Variants in AXL observed in about 807,000 individuals in gnomAD.
AXL encodes the protein tyrosine-protein kinase receptor UFO.
AXL carries 52 observed loss-of-function variants against 104.5 expected under a neutral mutation model. That is an observed-to-expected ratio of 0.50 (90% CI 0.40 to 0.63). The LOEUF is 0.63. Among genes scored for constraint, AXL ranks in the 20% least tolerant of loss-of-function variants. The pLI, the probability that AXL is intolerant of heterozygous loss-of-function variation, is 0.00. For missense variants in AXL, 1,024 were observed against 1,188.5 expected, an observed-to-expected ratio of 0.86 and a Z score of 2.04; for synonymous variants, 455 against 473.7, an observed-to-expected ratio of 0.96 and a Z score of 0.51.
chr19:41,251,405 T>C (rs1282028565), intron 14 of AXL, among the ~76,000 whole-genome samples: 2 of 151,656 alleles, frequency 1.3e-5, no homozygotes, highest in African/African-American at 4.8e-5. Context: ...CTACTAAAAA[T>C]ACAAAAATTA....
chr19:41,237,713 A>G (rs2034104990), intron 6 of AXL, among the ~76,000 whole-genome samples: 1 of 152,198 alleles, frequency 6.6e-6, no homozygotes, highest in South Asian at 2.1e-4. Context: ...GAGAGGGAAG[A>G]GTCTTGCCAG....
chr19:41,241,664 C>T (rs1330465228), intron 10 of AXL, among the ~76,000 whole-genome samples: 1 of 151,152 alleles, frequency 6.6e-6, no homozygotes, highest in Non-Finnish European at 1.5e-5. Context: ...ATGGTGAAAC[C>T]CTGTCTCTAC....
At chr19:41,250,467 G>T (rs1041285450) in intron 14 of AXL, among the ~76,000 whole-genome samples, 1 of 152,122 alleles carries the variant, frequency 6.6e-6, no homozygotes, top group Non-Finnish European at 1.5e-5. Flanking sequence ...TTTTGAGGAG[G>T]AGTCTCACTC....
intron 6 of AXL, among the ~76,000 whole-genome samples, chr19:41,235,877 C>T (rs759673830): frequency 4.6e-5 from 7 of 152,104 alleles, no homozygotes; most frequent in Admixed American, 1.3e-4. Flanking sequence ...ACATGTTGGA[C>T]GTGTTTTATC....
chr19:41,246,315 T>G lies in AXL; in HGVS notation c.1538-2199T>G, dbSNP rs561365989. On this transcript the variant is annotated intron_variant, in intron 12 of 19. Transcript: ENST00000301178. ...TACAAAAATTAGCTGGGTGTGGTGG[T>G]GCATGCCTGTAATCCTAGCTACTTG... Among the ~76,000 whole-genome samples, 16 of 151,700 alleles carry G rather than the reference T, an allele frequency of 1.1e-4. 1 individual carries two copies. In the East Asian group the frequency reaches 2.7e-3, roughly 26 times the overall value.
At position 41,259,826 on chromosome 19, in the gene AXL, C is replaced by A; in HGVS notation, c.2607C>A (p.Cys869Ter). Residue 869 changes from cysteine to a stop codon, truncating the protein, a stop_gained, in exon 20 of 20, where the codon TGC becomes TGA. Transcript: ENST00000301178. LOFTEE classifies it high-confidence loss of function. ...EVHPAGRYVL[C>*]PSTTPSPAQP... ...ATCCTGCTGGACGCTATGTCCTCTGCCCTTCCACAACCCCTAGCCCCGCTC... is the reference window on the plus strand; with the variant it reads ...ATCCTGCTGGACGCTATGTCCTCTGACCTTCCACAACCCCTAGCCCCGCTC... 2 of 1,613,912 alleles carry A rather than the reference C, an allele frequency of 1.2e-6. No individual in the cohort carries two copies. Among genetic ancestry groups the A allele is most frequent in the Non-Finnish European group, 1.7e-6 (2 of 1,179,920 alleles).
chr19:41,234,887 T>C (rs1309757324), intron 6 of AXL, among the ~76,000 whole-genome samples: 1 of 152,164 alleles, frequency 6.6e-6, no homozygotes, highest in African/African-American at 2.4e-5. Context: ...GGCGTGGCTG[T>C]GAATTGTGTG....
At chr19:41,233,975 G>C (rs1479831911) in intron 6 of AXL, among the ~76,000 whole-genome samples, 1 of 152,032 alleles carries the variant, frequency 6.6e-6, no homozygotes, top group Non-Finnish European at 1.5e-5. Context: ...AAAGAGAAGT[G>C]GGAGCAGGCA....
Position 41,259,584 on chromosome 19 carries a change from A to C in AXL, c.2365A>C (p.Asn789His). The change falls in exon 20 of 20, where the codon AAT becomes CAT. Residue 789 changes from asparagine (N) to histidine (H), a missense_variant. Asn to His is a moderately conservative substitution (Grantham distance 68). Coordinates refer to ENST00000301178, the MANE Select transcript of AXL (RefSeq NM_021913.5). Reference sequence around the variant, plus strand: ...CTTGATGTCGCGGTGCTGGGAGCTAAATCCCCAGGACCGGCCAAGTTTTAC... The same window carrying C: ...CTTGATGTCGCGGTGCTGGGAGCTACATCCCCAGGACCGGCCAAGTTTTAC... ...YALMSRCWEL[N>H]PQDRPSFTEL... The C allele has an allele frequency of 6.2e-7, 1 of 1,611,734 alleles. No homozygotes were observed.
At chr19:41,247,503 CA>C (rs530976426) in intron 12 of AXL, among the ~76,000 whole-genome samples, 4,356 of 139,356 alleles carry the variant, frequency 0.031, 103 homozygotes, top group Middle Eastern at 0.05. Flanking sequence ...AACTCCATCT[CA>C]AAAAAAAAAA....
chr19:41,226,616 GT>G (rs1177025145), intron 4 of AXL: 1 of 454,318 alleles, frequency 2.2e-6, no homozygotes, highest in Non-Finnish European at 2.9e-6. Flanking sequence ...TGCCAACGCG[GT>G]GGGAACAGAG....
chr19:41,244,101 G>A (rs1024700343), intron 12 of AXL, among the ~76,000 whole-genome samples: 9 of 152,058 alleles, frequency 5.9e-5, no homozygotes, highest in Admixed American at 5.9e-4. Flanking sequence ...CTACTCGGGA[G>A]GCTGAGGTAG....
chr19:41,243,793 G>A (rs2034225809), intron 12 of AXL, 86 bp downstream of exon 12: 26 of 1,201,228 alleles, frequency 2.2e-5, no homozygotes, highest in Non-Finnish European at 3.1e-5. Flanking sequence ...ACATGTGTGA[G>A]CCAAAAGTTT....
At position 41,220,695 on chromosome 19, in the gene AXL, G is replaced by A. The variant is rs1219778701; in HGVS notation, c.145G>A (p.Gly49Arg). The change falls in exon 2 of 20, where the codon GGA becomes AGA. Residue 49 changes from glycine to arginine, a missense_variant. Gly to Arg is a moderately radical substitution (Grantham distance 125). This residue lies in a region of AXL where 124 missense variants were observed against 115.5 expected (regional missense o/e 1.07). Transcript: ENST00000301178. ...CCCAGGGAATATCACAGGTGCCCGGGGACTCACGGGCACCCTTCGGTGTCA... is the reference window on the plus strand; with the variant it reads ...CCCAGGGAATATCACAGGTGCCCGGAGACTCACGGGCACCCTTCGGTGTCA... ...GNPGNITGAR[G>R]LTGTLRCQLQ... 2 of 1,612,436 alleles carry A rather than the reference G, an allele frequency of 1.2e-6. No individual in the cohort carries two copies. Among genetic ancestry groups the A allele is most frequent in the Non-Finnish European group, 8.5e-7 (1 of 1,179,340 alleles).
At position 41,222,191 on chromosome 19, in the gene AXL, C is replaced by G. The variant is rs138777920; in HGVS notation, c.586+135C>G. Reference sequence around the variant, plus strand: ...CTCACTGTCTGTCTCTCTCGTTTCTCCCTCTGAGTCTGTCTCTGCCTCTCT... The same window carrying G: ...CTCACTGTCTGTCTCTCTCGTTTCTGCCTCTGAGTCTGTCTCTGCCTCTCT... On this transcript the variant is annotated intron_variant, in intron 4 of 19. Transcript: ENST00000301178. The G allele has an allele frequency of 4.1e-5, 41 of 1,004,240 alleles. 1 individual carries two copies. Among genetic ancestry groups the G allele is most frequent in the Middle Eastern group, 6.5e-4 (2 of 3,056 alleles). The allele number at this position is 1,004,240 out of a possible 1,614,324, so 62.2% of individuals were successfully genotyped here.
At chr19:41,221,503 A>G (rs1568407419) in intron 3 of AXL, 2 of 508,744 alleles carry the variant, frequency 3.9e-6, no homozygotes, top group Non-Finnish European at 6.9e-6. Context: ...TGTCCTAGGC[A>G]TCAGACACCA....
rs2033976990 is a variant in AXL, at chr19:41,230,994, G to A, written c.614G>A (p.Cys205Tyr). Reference sequence around the variant, plus strand: ...CTGAACAAGACATCCTCTTTCTCCTGCGAAGCCCATAACGCCAAGGGGGTC... The same window carrying A: ...CTGAACAAGACATCCTCTTTCTCCTACGAAGCCCATAACGCCAAGGGGGTC... Reference protein sequence around the residue: ...PGLNKTSSFSCEAHNAKGVTT... With the variant: ...PGLNKTSSFSYEAHNAKGVTT... The change falls in exon 5 of 20, where the codon TGC becomes TAC. Residue 205 changes from cysteine (C) to tyrosine (Y), a missense_variant. By Grantham distance (194) the Cys-to-Tyr change is radical. Coordinates refer to ENST00000301178, the MANE Select transcript of AXL (RefSeq NM_021913.5). The A allele has an allele frequency of 6.2e-7, 1 of 1,613,758 alleles. No individual in the cohort carries two copies. Among genetic ancestry groups the A allele is most frequent in the Non-Finnish European group, 8.5e-7 (1 of 1,179,906 alleles).
intron 19 of AXL, 112 bp from the exon 20 acceptor site, chr19:41,259,441 A>G (rs1391651365): frequency 1.1e-6 from 1 of 883,734 alleles, no homozygotes; most frequent in Non-Finnish European, 1.7e-6. Flanking sequence ...GCTCCCTATA[A>G]CCCTCTAAAA....
At chr19:41,230,874 T>C in intron 4 of AXL, 93 bp from the exon 5 acceptor site, 2 of 1,345,600 alleles carry the variant, frequency 1.5e-6, no homozygotes, top group Non-Finnish European at 2.1e-6. Flanking sequence ...CTGCCCCTGG[T>C]CAGGCAGGCC....
Sources: allele counts gnomAD v4.1 joint callset (sites outside exome capture counted in the v4.1 genomes callset), GRCh38; gene constraint gnomAD v4.1.1; regional missense constraint gnomAD v4.1.1; transcripts MANE v1.5; gene names NCBI Gene and HGNC (gene_info 2026-07-23, HGNC 2026-07-21).